Variants in CTNNA3 observed in about 807,000 individuals in gnomAD.
The protein encoded by CTNNA3 is catenin alpha 3, also known as catenin alpha-3.
A neutral mutation model predicts 95.7 loss-of-function variants in CTNNA3; 76 were observed. The observed-to-expected ratio is 0.79, with a 90% CI of 0.66 to 0.96. CTNNA3 has a LOEUF of 0.96. Among genes scored for constraint, CTNNA3 ranks in the 40% least tolerant of loss-of-function variants. The pLI, the probability that CTNNA3 is intolerant of heterozygous loss-of-function variation, is 0.00. For missense variants in CTNNA3, 1,191 were observed against 1,089.8 expected (o/e 1.09, Z -1.31); for synonymous variants, 431 against 374.4 (o/e 1.15, Z -1.74).
intron 7 of CTNNA3, among the ~76,000 whole-genome samples, chr10:66,987,168 G>A (rs1850777999): frequency 6.6e-6 from 1 of 152,142 alleles, no homozygotes; most frequent in African/African-American, 2.4e-5. Context: ...ACGGACACAG[G>A]GCAGGACTAA....
chr10:67,508,090 T>G (rs1242494002), intron 5 of CTNNA3, among the ~76,000 whole-genome samples: 1 of 152,158 alleles, frequency 6.6e-6, no homozygotes, highest in Non-Finnish European at 1.5e-5. Flanking sequence ...TGTAGCTCAT[T>G]ACAACCTCCA....
At chr10:66,835,583 C>G (rs1842859575) in intron 7 of CTNNA3, among the ~76,000 whole-genome samples, 1 of 152,176 alleles carries the variant, frequency 6.6e-6, no homozygotes, top group Admixed American at 6.5e-5. Flanking sequence ...TTTCCATCTG[C>G]TATGAACCCT....
chr10:66,428,693 C>T (rs1286697518), intron 11 of CTNNA3, among the ~76,000 whole-genome samples: 2 of 152,126 alleles, frequency 1.3e-5, no homozygotes, highest in Non-Finnish European at 2.9e-5. Flanking sequence ...TAAAGATGTT[C>T]TTTGAAACCA....
At chr10:66,155,694 A>T (rs907152267) in intron 13 of CTNNA3, among the ~76,000 whole-genome samples, 4 of 151,944 alleles carry the variant, frequency 2.6e-5, no homozygotes, top group Admixed American at 1.3e-4. Context: ...CATACACAAA[A>T]GTTAATGTCA....
intron 5 of CTNNA3, among the ~76,000 whole-genome samples, chr10:67,484,151 A>T (rs1379553744): frequency 6.6e-6 from 1 of 152,192 alleles, no homozygotes; most frequent in Non-Finnish European, 1.5e-5. Context: ...ATGTAACAGA[A>T]TAGAGAGCCC....
chr10:65,975,308 T>C (rs574994098), intron 16 of CTNNA3, among the ~76,000 whole-genome samples: 1 of 152,178 alleles, frequency 6.6e-6, no homozygotes, highest in South Asian at 2.1e-4. Flanking sequence ...AAATGAGGGT[T>C]ATCCCTCAAA....
chr10:66,846,985 G>T (rs1843306424), intron 7 of CTNNA3, among the ~76,000 whole-genome samples: 1 of 152,150 alleles, frequency 6.6e-6, no homozygotes, highest in Non-Finnish European at 1.5e-5. Context: ...GATTCTTACA[G>T]CAGCTTTTGA....
At chr10:66,785,901 T>A (rs191102019) in intron 7 of CTNNA3, among the ~76,000 whole-genome samples, 1 of 152,228 alleles carries the variant, frequency 6.6e-6, no homozygotes, top group Non-Finnish European at 1.5e-5. Flanking sequence ...CCCCCAGATA[T>A]CACAAAAATT....
chr10:66,624,119 G>A (rs548647869), intron 9 of CTNNA3, among the ~76,000 whole-genome samples: 1 of 152,276 alleles, frequency 6.6e-6, no homozygotes, highest in African/African-American at 2.4e-5. Flanking sequence ...TCTGTAGAAT[G>A]TTTCTGCTCA....
chr10:67,499,345 T>C (rs1364300888), intron 5 of CTNNA3, among the ~76,000 whole-genome samples: 2 of 152,218 alleles, frequency 1.3e-5, no homozygotes, highest in African/African-American at 2.4e-5. Flanking sequence ...CAGTCTTTTA[T>C]TGAGGATTTT....
intron 7 of CTNNA3, among the ~76,000 whole-genome samples, chr10:66,805,145 T>C (rs1841589857): frequency 6.6e-6 from 1 of 152,080 alleles, no homozygotes; most frequent in South Asian, 2.1e-4. Context: ...ACATGTCCTG[T>C]ATGACTCCAC....
chr10:66,087,980 A>G (rs2081053877), intron 14 of CTNNA3, among the ~76,000 whole-genome samples: 1 of 152,048 alleles, frequency 6.6e-6, no homozygotes, highest in Non-Finnish European at 1.5e-5. Context: ...ATTCAGTAAG[A>G]GTATATATAC....
At chr10:66,863,196 C>A (rs1844015993) in intron 7 of CTNNA3, among the ~76,000 whole-genome samples, 1 of 151,568 alleles carries the variant, frequency 6.6e-6, no homozygotes, top group Admixed American at 6.6e-5. Context: ...CACACACACA[C>A]ACACACACAC....
intron 2 of CTNNA3, among the ~76,000 whole-genome samples, chr10:67,624,211 C>T (rs1024166050): frequency 1.3e-5 from 2 of 152,092 alleles, no homozygotes; most frequent in African/African-American, 2.4e-5. Flanking sequence ...TGTCCAGACT[C>T]GCCAAAGAAA....
At chr10:66,423,388 G>A (rs2093212316) in intron 11 of CTNNA3, among the ~76,000 whole-genome samples, 1 of 152,056 alleles carries the variant, frequency 6.6e-6, no homozygotes, top group Admixed American at 6.6e-5. Context: ...TTTCTTGAAT[G>A]TTTGGTAGAA....
At chr10:66,270,428 A>T (rs1316526628) in intron 13 of CTNNA3, among the ~76,000 whole-genome samples, 1 of 151,796 alleles carries the variant, frequency 6.6e-6, no homozygotes, top group Non-Finnish European at 1.5e-5. Context: ...CTTGTCTCAA[A>T]CTCCTGAGCT....
intron 7 of CTNNA3, among the ~76,000 whole-genome samples, chr10:67,003,819 G>A (rs1589584494): frequency 6.6e-6 from 1 of 152,220 alleles, no homozygotes; most frequent in Non-Finnish European, 1.5e-5. Flanking sequence ...TTCATGTGTT[G>A]TCTCTAGCAG....
At chr10:66,597,788 C>CAAAAAATAAATAA (rs1843776356) in intron 10 of CTNNA3, among the ~76,000 whole-genome samples, 1 of 151,102 alleles carries the variant, frequency 6.6e-6, no homozygotes, top group African/African-American at 2.4e-5. Context: ...GCTGTCCTTC[C>CAAAAAATAAATAA]AAGAAATAAA....
intron 1 of CTNNA3, among the ~76,000 whole-genome samples, chr10:67,679,334 C>T (rs1367339433): frequency 6.6e-6 from 1 of 152,104 alleles, no homozygotes; most frequent in Non-Finnish European, 1.5e-5. Context: ...CCAGACATTG[C>T]CAAATGTCCT....
Sources: gnomAD v4.1 joint callset for allele counts (sites outside exome capture counted in the v4.1 genomes callset) on GRCh38, gnomAD v4.1.1 for gene constraint, MANE v1.5 for transcripts, NCBI Gene and HGNC (gene_info 2026-07-23, HGNC 2026-07-21) for gene names.